SIPA1L2: variants seen among roughly 807,000 people sequenced by gnomAD.
The protein encoded by SIPA1L2 is signal-induced proliferation-associated 1-like protein 2.
A neutral mutation model predicts 163.9 loss-of-function variants in SIPA1L2; 56 were observed. The ratio of observed to expected loss-of-function variants is 0.34; its 90% confidence interval spans 0.28 to 0.43. SIPA1L2 has a LOEUF of 0.43. SIPA1L2 is among the 20% of genes least tolerant of loss of function. The pLI, the probability that SIPA1L2 is intolerant of heterozygous loss-of-function variation, is 1.00. For missense variants in SIPA1L2, 1,974 were observed against 2,193.5 expected (o/e 0.90, Z 2.00); for synonymous variants, 877 against 865.7 (o/e 1.01, Z -0.23).
chr1:232,546,235 G>A (rs933590817), intron 2 of SIPA1L2, among the ~76,000 whole-genome samples: 2 of 152,112 alleles, frequency 1.3e-5, no homozygotes, highest in African/African-American at 2.4e-5. Flanking sequence ...ACGTAAAGAC[G>A]TCCCTTCACC....
intron 6 of SIPA1L2, among the ~76,000 whole-genome samples, chr1:232,481,468 CGGG>C (rs35228889): frequency 6.6e-6 from 1 of 151,738 alleles, no homozygotes; most frequent in African/African-American, 2.4e-5. Context: ...AGATGCATTG[CGGG>C]GGGGAAAAGT....
chr1:232,546,898 T>C (rs1658062944), intron 2 of SIPA1L2, among the ~76,000 whole-genome samples: 1 of 152,080 alleles, frequency 6.6e-6, no homozygotes, highest in Non-Finnish European at 1.5e-5. Flanking sequence ...GATCCTCAAA[T>C]GAGGAGGAGG....
At chr1:232,509,872 G>C (rs77970320) in intron 3 of SIPA1L2, among the ~76,000 whole-genome samples, 3 of 152,204 alleles carry the variant, frequency 2.0e-5, no homozygotes, top group African/African-American at 7.2e-5. Flanking sequence ...AGAGAGAACA[G>C]AGCAGCCGGG....
chr1:232,419,846 A>C (rs1254808888), intron 18 of SIPA1L2, among the ~76,000 whole-genome samples: 1 of 152,354 alleles, frequency 6.6e-6, no homozygotes, highest in African/African-American at 2.4e-5. Context: ...TACTTTTATC[A>C]CTACCCCCAT....
intron 2 of SIPA1L2, among the ~76,000 whole-genome samples, chr1:232,551,151 G>A (rs789666): frequency 0.52 from 79,637 of 152,022 alleles, 21,620 homozygotes; most frequent in East Asian, 0.74. Flanking sequence ...TAGGGCTGGT[G>A]GGAAGATTAG....
chr1:232,584,464 G>A (rs1386558423), intron 1 of SIPA1L2, among the ~76,000 whole-genome samples: 5 of 152,192 alleles, frequency 3.3e-5, no homozygotes, highest in Admixed American at 3.3e-4. Context: ...CGTGTGATCT[G>A]CCCATCTTGG....
intron 11 of SIPA1L2, among the ~76,000 whole-genome samples, chr1:232,444,624 T>G (rs892558143): frequency 6.6e-6 from 1 of 152,048 alleles, no homozygotes; most frequent in Non-Finnish European, 1.5e-5. Context: ...CTGGTTAATA[T>G]TTATATAAGC....
At chr1:232,400,705 T>C (rs926811299) in intron 22 of SIPA1L2, among the ~76,000 whole-genome samples, 2 of 152,166 alleles carry the variant, frequency 1.3e-5, no homozygotes, top group Non-Finnish European at 2.9e-5. Flanking sequence ...ACTCCTGTCA[T>C]CTGTGTTGAT....
intron 2 of SIPA1L2, among the ~76,000 whole-genome samples, chr1:232,543,896 T>C (rs187125455): frequency 6.6e-6 from 1 of 152,172 alleles, no homozygotes; most frequent in African/African-American, 2.4e-5. Flanking sequence ...ATATAAAATG[T>C]TAATTGTTTA....
At chr1:232,417,649 T>A (rs999202029) in intron 18 of SIPA1L2, among the ~76,000 whole-genome samples, 6 of 151,908 alleles carry the variant, frequency 3.9e-5, no homozygotes, top group African/African-American at 1.2e-4. Flanking sequence ...AAGAAAGGGT[T>A]CCAGAAAGGT....
intron 1 of SIPA1L2, among the ~76,000 whole-genome samples, chr1:232,588,115 A>C (rs1358032071): frequency 6.6e-6 from 1 of 152,170 alleles, no homozygotes; most frequent in Non-Finnish European, 1.5e-5. Context: ...CACACACACT[A>C]TGACTCTGTG....
chr1:232,594,740 T>G (rs532133436), intron 1 of SIPA1L2, among the ~76,000 whole-genome samples: 150 of 152,266 alleles, frequency 9.9e-4, no homozygotes, highest in African/African-American at 3.3e-3. Flanking sequence ...GTCTCTAAAT[T>G]TCATATGCTT....
Position 232,439,175 on chromosome 1 carries a change from T to C in SIPA1L2, c.3964A>G (p.Thr1322Ala), listed in dbSNP as rs2275307. The change falls in exon 15 of 23, where the codon ACC (threonine) becomes GCC (alanine). Residue 1322 changes from threonine (T) to alanine (A), a missense_variant. Thr to Ala is a moderately conservative substitution (Grantham distance 58). Coordinates refer to ENST00000674635, the MANE Select transcript of SIPA1L2 (RefSeq NM_020808.5). ...TCCGCAGCACTGCCGGCGGAGATGG[T>C]GGACGCGTAGCCATGCACAGAATAT... ...KLYSVHGYAS[T>A]ISAGSAAEGS... The C allele has an allele frequency of 0.26, 412,219 of 1,613,108 alleles. 56,783 individuals are homozygous for C. Among genetic ancestry groups the C allele is most frequent in the East Asian group, 0.5 (22,209 of 44,840 alleles).
chr1:232,627,100 T>C (rs1175620136), intron 1 of SIPA1L2, among the ~76,000 whole-genome samples: 1 of 152,202 alleles, frequency 6.6e-6, no homozygotes, highest in Non-Finnish European at 1.5e-5. Context: ...CTAAATTTTC[T>C]TCAAATTCAG....
At chr1:232,463,078 A>G (rs188884041) in intron 9 of SIPA1L2, among the ~76,000 whole-genome samples, 35 of 152,338 alleles carry the variant, frequency 2.3e-4, no homozygotes, top group African/African-American at 8.2e-4. Context: ...GCTCCTTATG[A>G]AAAAATTAGT....
At chr1:232,581,291 T>A (rs983979015) in intron 1 of SIPA1L2, among the ~76,000 whole-genome samples, 1 of 152,262 alleles carries the variant, frequency 6.6e-6, no homozygotes, top group Admixed American at 6.5e-5. Flanking sequence ...GGCAAGGTCA[T>A]ATACGGTTTT....
chr1:232,480,461 T>A (rs1295551455), intron 6 of SIPA1L2, among the ~76,000 whole-genome samples: 21 of 152,164 alleles, frequency 1.4e-4, no homozygotes, highest in Admixed American at 1.4e-3. Context: ...CTATTAATCA[T>A]AAAACTGTTC....
rs1319493001 is a variant in SIPA1L2, at chr1:232,628,345, G to A, written c.-319+1524C>T. Among the ~76,000 whole-genome samples the A allele has an allele frequency of 6.6e-5, 10 of 152,248 alleles. No individual in the cohort carries two copies. The East Asian group carries it at 1.9e-3, about 29-fold the overall frequency. On this transcript the variant is annotated intron_variant, in intron 1 of 22. Coordinates refer to ENST00000674635, the MANE Select transcript of SIPA1L2 (RefSeq NM_020808.5). ...GGAATCTTTTAGGAAGAATCAATGT[G>A]ATTTATACCCAAAACTTAAGAAAGA...
chr1:232,524,070 G>C, intron 2 of SIPA1L2, among the ~76,000 whole-genome samples: 1 of 152,170 alleles, frequency 6.6e-6, no homozygotes, highest in East Asian at 1.9e-4. Flanking sequence ...TGAGTTATAA[G>C]ATACTGAGTT....
Sources: allele counts gnomAD v4.1 joint callset (sites outside exome capture counted in the v4.1 genomes callset), GRCh38; gene constraint gnomAD v4.1.1; transcripts MANE v1.5; gene names NCBI Gene and HGNC (gene_info 2026-07-23, HGNC 2026-07-21).